Variants in MCPH1 observed in about 807,000 individuals in gnomAD.
The protein encoded by MCPH1 is microcephalin.
Under a neutral mutation model 84.5 loss-of-function variants are expected in MCPH1, and 104 were observed. That is an observed-to-expected ratio of 1.23 (90% confidence interval 1.05 to 1.45). The LOEUF is 1.45. Among genes scored for constraint, MCPH1 ranks in the 40% most tolerant of loss-of-function variants. The pLI is 0.00. For missense variants in MCPH1, 1,498 were observed against 1,005.7 expected (o/e 1.49, Z -6.62); for synonymous variants, 514 against 366.8 (o/e 1.40, Z -4.58).
Position 6,523,274 on chromosome 8 carries a change from G to A in MCPH1, c.2214+23345G>A, listed in dbSNP as rs935506834. Among the ~76,000 whole-genome samples the A allele has an allele frequency of 6.8e-4, 103 of 152,122 alleles. 1 individual carries two copies. Among genetic ancestry groups the A allele is most frequent in the Admixed American group, 6.6e-3 (101 of 15,276 alleles). On this transcript the variant is annotated intron_variant, in intron 12 of 13. Transcript: ENST00000344683. ...TGCCTCCCAAAGTGCTGGGATTACAGGCATGAGCCACCACGCCTGGCAGAA... is the reference window on the plus strand; with the variant it reads ...TGCCTCCCAAAGTGCTGGGATTACAAGCATGAGCCACCACGCCTGGCAGAA...
intron 13 of MCPH1, among the ~76,000 whole-genome samples, chr8:6,623,378 C>T (rs1466766353): frequency 2.6e-5 from 4 of 152,032 alleles, no homozygotes; most frequent in African/African-American, 4.8e-5. Flanking sequence ...CTCCTGTTCT[C>T]TCATTCTTTT....
chr8:6,476,665 A>T (rs367652333), intron 9 of MCPH1, among the ~76,000 whole-genome samples: 1 of 152,212 alleles, frequency 6.6e-6, no homozygotes, highest in Admixed American at 6.5e-5. Context: ...TACGTAGTAT[A>T]CAAACCGCTT....
At chr8:6,614,313 C>T (rs114812671) in intron 12 of MCPH1, among the ~76,000 whole-genome samples, 2,399 of 152,278 alleles carry the variant, frequency 0.016, 66 homozygotes, top group African/African-American at 0.054. Flanking sequence ...GTTTCAGATG[C>T]CTGCCTCCTC....
intron 12 of MCPH1, among the ~76,000 whole-genome samples, chr8:6,517,321 A>G (rs1292378771): frequency 1.3e-5 from 2 of 152,148 alleles, no homozygotes; most frequent in Non-Finnish European, 2.9e-5. Flanking sequence ...ACTTGCTTCA[A>G]CTCTGAGGCA....
intron 12 of MCPH1, among the ~76,000 whole-genome samples, chr8:6,527,146 A>G (rs1818485660): frequency 6.6e-6 from 1 of 152,222 alleles, no homozygotes; most frequent in Non-Finnish European, 1.5e-5. Context: ...TTCACTCCAC[A>G]GCACTAGCTG....
chr8:6,512,869 G>A (rs939216027), intron 12 of MCPH1, among the ~76,000 whole-genome samples: 7 of 152,200 alleles, frequency 4.6e-5, no homozygotes, highest in Admixed American at 1.3e-4. Flanking sequence ...GTAGAGGAGA[G>A]CAGAGTTGAC....
At chr8:6,528,183 C>T (rs886777415) in intron 12 of MCPH1, among the ~76,000 whole-genome samples, 3 of 152,198 alleles carry the variant, frequency 2.0e-5, no homozygotes, top group Non-Finnish European at 2.9e-5. Flanking sequence ...CAGGCATTAG[C>T]CACTGCACCC....
chr8:6,547,021 G>A (rs1258921087), intron 12 of MCPH1, among the ~76,000 whole-genome samples: 1 of 152,150 alleles, frequency 6.6e-6, no homozygotes, highest in Admixed American at 6.5e-5. Context: ...CTCGGAAGAA[G>A]CGTTCTCAGA....
At chr8:6,625,504 A>T (rs913409359) in intron 13 of MCPH1, 2 of 984,712 alleles carry the variant, frequency 2.0e-6, no homozygotes, top group Non-Finnish European at 2.4e-6. Flanking sequence ...ACCATTTTAA[A>T]GCACCAAATC....
chr8:6,448,064 GTT>G (rs1227889552), intron 8 of MCPH1, among the ~76,000 whole-genome samples: 2 of 152,128 alleles, frequency 1.3e-5, no homozygotes, highest in Non-Finnish European at 2.9e-5. Flanking sequence ...TGCTCTTCAA[GTT>G]TGTGGGGACA....
At chr8:6,611,988 C>T (rs1077702) in intron 12 of MCPH1, among the ~76,000 whole-genome samples, 1 of 152,014 alleles carries the variant, frequency 6.6e-6, no homozygotes, top group South Asian at 2.1e-4. Flanking sequence ...TTGAGTGAAC[C>T]CCAGACCTTG....
intron 13 of MCPH1, among the ~76,000 whole-genome samples, chr8:6,633,893 A>T (rs1206908354): frequency 6.6e-6 from 1 of 152,192 alleles, no homozygotes; most frequent in Non-Finnish European, 1.5e-5. Flanking sequence ...TCAGAAAAAG[A>T]GGAATAATTT....
intron 12 of MCPH1, among the ~76,000 whole-genome samples, chr8:6,577,121 C>T (rs912824229): frequency 1.3e-5 from 2 of 152,190 alleles, no homozygotes; most frequent in African/African-American, 4.8e-5. Context: ...CACAGGAGGC[C>T]AGGGTGCTGT....
intron 12 of MCPH1, among the ~76,000 whole-genome samples, chr8:6,524,395 A>G (rs114293532): frequency 6.6e-6 from 1 of 152,370 alleles, no homozygotes; most frequent in African/African-American, 2.4e-5. Flanking sequence ...GCAGAGAAAC[A>G]TTATTTTCCC....
intron 12 of MCPH1, among the ~76,000 whole-genome samples, chr8:6,539,450 T>C (rs1297670883): frequency 6.6e-6 from 1 of 152,168 alleles, no homozygotes; most frequent in Non-Finnish European, 1.5e-5. Context: ...CTAGTGGGTA[T>C]TGTGACTTCT....
At chr8:6,420,901 G>A (rs899023767) in intron 3 of MCPH1, among the ~76,000 whole-genome samples, 1 of 152,200 alleles carries the variant, frequency 6.6e-6, no homozygotes, top group Admixed American at 6.5e-5. Context: ...ACTGACGCAA[G>A]GGTCAGAGCA....
chr8:6,557,218 G>A (rs896681758), intron 12 of MCPH1, among the ~76,000 whole-genome samples: 5 of 152,072 alleles, frequency 3.3e-5, no homozygotes, highest in South Asian at 2.1e-4. Context: ...TTGCTTTACC[G>A]CTGGGCAATC....
At position 6,466,134 on chromosome 8, in the gene MCPH1, T is replaced by A. The variant is rs1489256064; in HGVS notation, c.1935+10882T>A. ...TACACCTGGCTAATTTTTGGATTTT[T>A]TTTTTTTTTTTTTTTTTTCCTGAGA... On this transcript the variant is annotated intron_variant, in intron 9 of 13. Coordinates refer to ENST00000344683, the MANE Select transcript of MCPH1 (RefSeq NM_024596.5). Among the ~76,000 whole-genome samples, 125 of 80,326 alleles carry A rather than the reference T, an allele frequency of 1.6e-3. 1 individual carries two copies. Among genetic ancestry groups the A allele is most frequent in the East Asian group, 8.2e-3 (12 of 1,460 alleles). The allele number at this position is 80,326 out of a possible 152,430, so 52.7% of individuals were successfully genotyped here. A position where few individuals can be genotyped will look rare whatever the true frequency, so the allele number is the denominator to read the frequency against.
intron 12 of MCPH1, chr8:6,502,876 C>T: frequency 1.9e-6 from 1 of 536,930 alleles, no homozygotes; most frequent in Non-Finnish European, 3.3e-6. Context: ...GGTGTTCTGT[C>T]TAATCACAAT....
Sources: gnomAD v4.1 joint callset for allele counts (sites outside exome capture counted in the v4.1 genomes callset) on GRCh38, gnomAD v4.1.1 for gene constraint, MANE v1.5 for transcripts, NCBI Gene and HGNC (gene_info 2026-07-23, HGNC 2026-07-21) for gene names.